RNASEH2B: variants seen among roughly 807,000 people sequenced by gnomAD.
The protein encoded by RNASEH2B is Aicardi-Goutieres syndrome 2 protein.
A neutral mutation model predicts 45.0 loss-of-function variants in RNASEH2B; 36 were observed. The observed-to-expected ratio is 0.80, with a 90% CI of 0.61 to 1.06. RNASEH2B has a LOEUF of 1.06. RNASEH2B is among the 50% of genes least tolerant of loss of function. The probability of loss-of-function intolerance (pLI) is 0.00; values close to 1 mark genes in which losing one functional copy is unlikely to be tolerated. For missense variants in RNASEH2B, 361 were observed against 360.3 expected (o/e 1.00, Z -0.02); for synonymous variants, 119 against 125.7 (o/e 0.95, Z 0.35).
chr13:50,917,260 C>A (rs540290621), intron 1 of RNASEH2B, among the ~76,000 whole-genome samples: 1 of 152,328 alleles, frequency 6.6e-6, no homozygotes, highest in East Asian at 1.9e-4. Context: ...AGCAGAGGAA[C>A]TAGCTACCAC....
intron 2 of RNASEH2B, among the ~76,000 whole-genome samples, chr13:50,929,201 G>T (rs1189192830): frequency 1.3e-5 from 2 of 152,140 alleles, no homozygotes; most frequent in East Asian, 1.9e-4. Flanking sequence ...TCTGATGGAG[G>T]ATTTAAGGAC....
intron 4 of RNASEH2B, among the ~76,000 whole-genome samples, chr13:50,932,552 T>C (rs754153652): frequency 6.6e-6 from 1 of 152,212 alleles, no homozygotes; most frequent in Non-Finnish European, 1.5e-5. Context: ...TACCCACCAT[T>C]GCATTTGAAT....
chr13:50,949,398 C>T (rs1369813665), intron 8 of RNASEH2B, 65 bp from the exon 9 acceptor site: 43 of 1,465,872 alleles, frequency 2.9e-5, no homozygotes, highest in Non-Finnish European at 3.8e-5. Context: ...TTAAGTTGGC[C>T]CTGTCTTTCT....
intron 9 of RNASEH2B, among the ~76,000 whole-genome samples, chr13:50,967,936 T>G (rs1952181596): frequency 1.3e-5 from 2 of 152,192 alleles, no homozygotes; most frequent in African/African-American, 2.4e-5. Context: ...TAGAAAATGT[T>G]TATGAGCTTT....
At chr13:50,966,388 C>T (rs1251460318) in intron 9 of RNASEH2B, among the ~76,000 whole-genome samples, 1 of 152,164 alleles carries the variant, frequency 6.6e-6, no homozygotes, top group Non-Finnish European at 1.5e-5. Context: ...CTTTGCTTCT[C>T]TTACTTACAT....
intron 3 of RNASEH2B, 90 bp from the exon 4 acceptor site, chr13:50,930,593 A>G (rs958197309): frequency 2.1e-6 from 2 of 938,350 alleles, no homozygotes; most frequent in Non-Finnish European, 3.5e-6. Context: ...TATATTTTTC[A>G]ACACTGTTTT....
rs1387540521 is a variant in RNASEH2B at position 50,909,899 on chromosome 13, C to G, written c.-178C>G. The stretch of plus-strand genomic sequence containing the variant: ...GCTAAATTTAAAAACGTAACACGAG[C>G]AGCAGGCTGGTCTCGGAAACGAAAC... On this transcript the variant is annotated 5_prime_UTR_variant, in exon 1 of 11. Coordinates refer to ENST00000336617, the MANE Select transcript of RNASEH2B (RefSeq NM_024570.4). The G allele has an allele frequency of 6.1e-6, 3 of 491,128 alleles. No individual in the cohort carries two copies. Among genetic ancestry groups the G allele is most frequent in the Non-Finnish European group, 1.1e-5 (3 of 281,042 alleles). 30.4% of individuals were successfully genotyped at this position (491,128 alleles called of 1,614,324 possible).
At chr13:50,940,667 G>A (rs553788698) in intron 5 of RNASEH2B, among the ~76,000 whole-genome samples, 49 of 152,294 alleles carry the variant, frequency 3.2e-4, no homozygotes, top group African/African-American at 1.1e-3. Flanking sequence ...TAGACACATG[G>A]AGGCTTAGTT....
chr13:50,928,163 CTG>C (rs1951626025), intron 2 of RNASEH2B, among the ~76,000 whole-genome samples: 1 of 151,998 alleles, frequency 6.6e-6, no homozygotes, highest in South Asian at 2.1e-4. Flanking sequence ...GTGTTTATCT[CTG>C]TGTGTAATTG....
intron 5 of RNASEH2B, chr13:50,941,108 C>A (rs1951828042): frequency 6.6e-6 from 1 of 152,146 alleles, no homozygotes; most frequent in Non-Finnish European, 1.5e-5. Context: ...CTAGCACAGA[C>A]CTGAATAAAC....
At chr13:50,930,115 G>A (rs995409934) in intron 3 of RNASEH2B, 19 of 214,858 alleles carry the variant, frequency 8.8e-5, no homozygotes, top group African/African-American at 4.5e-4. Flanking sequence ...CTGACTAAAG[G>A]AAGAGTAGGC....
Position 50,953,917 on chromosome 13 carries a change from T to C in RNASEH2B, c.754T>C (p.Ser252Pro). Residue 252 changes from serine to proline, a missense_variant, in exon 10 of 11, where the codon TCA becomes CCA. Coordinates refer to ENST00000336617, the MANE Select transcript of RNASEH2B (RefSeq NM_024570.4). ...PNPPSKKIKL[S>P]DEPVEAKEDY... ...TCTAATGTTGCAGAAAATAAAGTTA[T>C]CAGATGAGCCTGTAGAAGCAAAAGA... 1 of 1,601,466 alleles carries C rather than the reference T, an allele frequency of 6.2e-7. No individual in the cohort carries two copies. Among genetic ancestry groups the C allele is most frequent in the Non-Finnish European group, 8.6e-7 (1 of 1,168,630 alleles).
chr13:50,958,525 G>A (rs920443891), downstream of RNASEH2B, among the ~76,000 whole-genome samples: 5 of 152,108 alleles, frequency 3.3e-5, no homozygotes, highest in African/African-American at 4.8e-5. Flanking sequence ...TGGGTAATGT[G>A]ATACCTCTGG....
exon 10 of RNASEH2B, chr13:50,970,325 C>T (rs2138050006): frequency 4.2e-6 from 2 of 477,568 alleles, no homozygotes. Context: ...TTTGGCAAAC[C>T]AAGTTTCAAC....
rs1181142319 is a variant in RNASEH2B, at chr13:50,970,175, G to A, written c.*211G>A. On this transcript the variant is annotated 3_prime_UTR_variant, in exon 10 of 10. Transcript: ENST00000422660. ...TCCTCCCTGGAGCACTCAGCTAGGC[G>A]GTTCCGTCCAGGAGCTTGAAAGCAT... The A allele has an allele frequency of 5.1e-5, 32 of 625,860 alleles. No homozygotes were observed. In the East Asian group the frequency reaches 7.8e-4, roughly 15 times the overall value. The allele number at this position is 625,860 out of a possible 1,614,324, so 38.8% of individuals were successfully genotyped here.
chr13:50,965,272 C>G lies in RNASEH2B; in HGVS notation c.742-4660C>G, dbSNP rs146135211. On this transcript the variant is annotated intron_variant, in intron 9 of 9. Coordinates refer to the RNASEH2B transcript ENST00000422660. ...CACTAACATGCTATACAGGTTTGTA[C>G]CCCAGGAGCAGTAGGCTGTACCATA... 1.9e-3 allele frequency among the ~76,000 whole-genome samples: 286 copies of G among 152,264 alleles called. 1 individual carries two copies. Among genetic ancestry groups the G allele is most frequent in the African/African-American group, 6.4e-3 (264 of 41,530 alleles).
chr13:50,926,155 A>AT (rs71672116), intron 1 of RNASEH2B, among the ~76,000 whole-genome samples: 6 of 149,912 alleles, frequency 4.0e-5, no homozygotes, highest in Admixed American at 1.3e-4. Flanking sequence ...AGAAATCTCA[A>AT]TTTTTTTTTT....
chr13:50,969,812 C>A, intron 9 of RNASEH2B: 1 of 904,700 alleles, frequency 1.1e-6, no homozygotes, highest in Non-Finnish European at 1.7e-6. Flanking sequence ...TGCTCAGCTG[C>A]CCTCAGGACT....
At chr13:50,922,128 C>T (rs1031828671) in intron 1 of RNASEH2B, among the ~76,000 whole-genome samples, 1 of 152,144 alleles carries the variant, frequency 6.6e-6, no homozygotes, top group Non-Finnish European at 1.5e-5. Flanking sequence ...GCTCTGTTCC[C>T]ACAGAGCCCT....
Sources: allele counts gnomAD v4.1 joint callset (sites outside exome capture counted in the v4.1 genomes callset), GRCh38; gene constraint gnomAD v4.1.1; transcripts MANE v1.5; gene names NCBI Gene and HGNC (gene_info 2026-07-23, HGNC 2026-07-21).